COL28A1: variants seen among roughly 807,000 people sequenced by gnomAD.
The protein encoded by COL28A1 is collagen alpha-1(XXVIII) chain.
In COL28A1, 161 loss-of-function variants were observed where a neutral mutation model predicts 150.2. The observed-to-expected ratio is 1.07, with a 90% CI of 0.94 to 1.22. COL28A1 has a LOEUF of 1.22. Ranked by LOEUF, COL28A1 falls within the 50% of genes most tolerant of loss-of-function variation. COL28A1 has a pLI of 0.00. For synonymous variants in COL28A1, 552 were observed against 469.7 expected (o/e 1.18, Z -2.26); for missense variants, 1,617 against 1,388.3 (o/e 1.16, Z -2.62).
At chr7:7,469,619 C>T in intron 15 of COL28A1, among the ~76,000 whole-genome samples, 1 of 99,692 alleles carries the variant, frequency 1.0e-5, no homozygotes, top group Non-Finnish European at 2.0e-5. Flanking sequence ...CTTTAAAGTT[C>T]ATATGGAACC....
At chr7:7,462,196 G>A (rs567205021) in intron 15 of COL28A1, among the ~76,000 whole-genome samples, 1 of 152,262 alleles carries the variant, frequency 6.6e-6, no homozygotes, top group African/African-American at 2.4e-5. Flanking sequence ...CTAAATCAAG[G>A]AAACACCCCA....
In COL28A1 at chr7:7,524,767, A is replaced by G. The variant is rs541641728; in HGVS notation, c.682-518T>C. ...ATCATATTAAAACTCAAAAAGAGAA[A>G]ATTACAAAGTCCAGTGACATTTTTT... On this transcript the variant is annotated intron_variant, in intron 3 of 34. Transcript: ENST00000399429. Among the ~76,000 whole-genome samples the G allele has an allele frequency of 4.5e-3, 682 of 152,316 alleles. 11 individuals are homozygous for G. The highest frequency in any genetic ancestry group is 0.016 in the African/African-American group (654 of 41,564).
At chr7:7,341,474 G>A in the COL28A1 span, among the ~76,000 whole-genome samples, 5 of 151,872 alleles carry the variant, frequency 3.3e-5, no homozygotes, top group African/African-American at 7.3e-5. Context: ...GCATGATCAT[G>A]GCTCACTGCA....
At position 7,474,672 on chromosome 7, in the gene COL28A1, G is replaced by GA; in HGVS notation, c.1234-4dup. 4.6e-6 allele frequency: 6 copies of GA among 1,304,926 alleles called. No homozygotes were observed. The highest frequency in any genetic ancestry group is 1.4e-5 in the African/African-American group (1 of 69,026). 80.8% of individuals were successfully genotyped at this position (1,304,926 alleles called of 1,614,324 possible). A position where few individuals can be genotyped will look rare whatever the true frequency, so the allele number is the denominator to read the frequency against. ...GGTCCTTCAGAACCTTTTTCACCCT[G>GA]AAAGTACAAGGGAGGGATATCAATG... On this transcript the variant is annotated splice_region_variant and splice_polypyrimidine_tract_variant and intron_variant, in intron 14 of 34. Coordinates refer to ENST00000399429, the MANE Select transcript of COL28A1 (RefSeq NM_001037763.3).
intron 27 of COL28A1, among the ~76,000 whole-genome samples, chr7:7,382,740 T>C (rs552928383): frequency 2.6e-5 from 4 of 152,298 alleles, no homozygotes; most frequent in Non-Finnish European, 4.4e-5. Flanking sequence ...ACCAAGATCA[T>C]TGGCATGCTT....
At chr7:7,506,335 C>T (rs950705985) in intron 10 of COL28A1, among the ~76,000 whole-genome samples, 25 of 152,156 alleles carry the variant, frequency 1.6e-4, no homozygotes, top group African/African-American at 5.1e-4. Context: ...ATTATTCCAA[C>T]GTTCTTGACT....
intron 7 of COL28A1, among the ~76,000 whole-genome samples, chr7:7,517,179 T>C (rs1781461240): frequency 6.6e-6 from 1 of 152,096 alleles, no homozygotes; most frequent in East Asian, 1.9e-4. Context: ...AGAACAGTTT[T>C]TAACATCTCT....
intron 30 of COL28A1, among the ~76,000 whole-genome samples, chr7:7,376,653 T>C (rs1263752358): frequency 6.6e-6 from 1 of 152,086 alleles, no homozygotes; most frequent in Non-Finnish European, 1.5e-5. Context: ...ATTTATATAT[T>C]TATATTAAGT....
intron 25 of COL28A1, among the ~76,000 whole-genome samples, chr7:7,424,035 T>C (rs1345355125): frequency 1.1e-4 from 16 of 152,232 alleles, no homozygotes; most frequent in Admixed American, 1.0e-3. Context: ...ATTGTTGACA[T>C]ATAGCTATGT....
intron 5 of COL28A1, among the ~76,000 whole-genome samples, chr7:7,521,564 G>T (rs1781725902): frequency 6.6e-6 from 1 of 152,150 alleles, no homozygotes; most frequent in African/African-American, 2.4e-5. Flanking sequence ...ATAAAGCTTT[G>T]CTTAAAGCAC....
chr7:7,494,355 C>G (rs993519036), intron 11 of COL28A1, among the ~76,000 whole-genome samples: 9 of 152,102 alleles, frequency 5.9e-5, no homozygotes, highest in Non-Finnish European at 1.2e-4. Context: ...CCACACCTAG[C>G]CCTTCATGCA....
At chr7:7,440,286 T>C (rs1785671216) in intron 21 of COL28A1, among the ~76,000 whole-genome samples, 2 of 152,250 alleles carry the variant, frequency 1.3e-5, no homozygotes, top group South Asian at 2.1e-4. Flanking sequence ...AAGTGCTTTA[T>C]TAACTCTTTT....
intron 18 of COL28A1, among the ~76,000 whole-genome samples, chr7:7,449,886 AT>A (rs1318604759): frequency 1.6e-4 from 25 of 152,258 alleles, no homozygotes; most frequent in Admixed American, 1.6e-3. Context: ...AAGACTTGCT[AT>A]TTAATCTGTA....
At chr7:7,344,593 C>G in the COL28A1 span, among the ~76,000 whole-genome samples, 1 of 152,128 alleles carries the variant, frequency 6.6e-6, no homozygotes, top group East Asian at 1.9e-4. Flanking sequence ...TCCAAAATTA[C>G]AGAGAAATAA....
intron 27 of COL28A1, among the ~76,000 whole-genome samples, chr7:7,396,623 G>A (rs1782850856): frequency 6.6e-6 from 1 of 152,178 alleles, no homozygotes. Flanking sequence ...ACCCTATTTG[G>A]TTGGGAACAG....
intron 20 of COL28A1, among the ~76,000 whole-genome samples, chr7:7,443,015 A>T (rs1785932841): frequency 6.6e-6 from 1 of 150,426 alleles, no homozygotes; most frequent in African/African-American, 2.5e-5. Flanking sequence ...AGCCTGTGGG[A>T]CAGAGTGAGA....
chr7:7,499,984 T>C (rs1380893153), intron 11 of COL28A1, among the ~76,000 whole-genome samples: 2 of 152,230 alleles, frequency 1.3e-5, no homozygotes, highest in Non-Finnish European at 2.9e-5. Flanking sequence ...ACCCCAAGTC[T>C]TCATGCCACT....
At chr7:7,396,255 C>A (rs950212600) in intron 27 of COL28A1, among the ~76,000 whole-genome samples, 4 of 152,296 alleles carry the variant, frequency 2.6e-5, no homozygotes, top group Non-Finnish European at 5.9e-5. Flanking sequence ...CCAGCAACTG[C>A]CATTTATTGT....
intron 5 of COL28A1, among the ~76,000 whole-genome samples, chr7:7,521,682 A>G (rs1479137902): frequency 6.6e-6 from 1 of 152,218 alleles, no homozygotes; most frequent in Non-Finnish European, 1.5e-5. Context: ...ACAACTTCAA[A>G]ACACACCTGC....
Sources: gnomAD v4.1 joint callset for allele counts (sites outside exome capture counted in the v4.1 genomes callset) on GRCh38, gnomAD v4.1.1 for gene constraint, MANE v1.5 for transcripts, NCBI Gene and HGNC (gene_info 2026-07-23, HGNC 2026-07-21) for gene names.